The following RBFOX1 variants were observed in gnomAD, a reference collection of about 807,000 sequenced individuals.
The protein encoded by RBFOX1 is RNA binding protein fox-1 homolog 1.
Under a neutral mutation model 57.7 loss-of-function variants are expected in RBFOX1, and 8 were observed. The observed-to-expected ratio is 0.14, with a 90% CI of 0.08 to 0.25. The LOEUF (loss-of-function observed/expected upper bound fraction) is 0.25. Ranked by LOEUF, RBFOX1 falls within the 10% of genes least tolerant of loss-of-function variation. RBFOX1 has a pLI of 1.00. For synonymous variants in RBFOX1, 326 were observed against 222.4 expected (o/e 1.47, Z -4.15); for missense variants, 611 against 548.5 (o/e 1.11, Z -1.14).
intron 1 of RBFOX1, among the ~76,000 whole-genome samples, chr16:5,316,330 G>T (rs1313548789): frequency 6.6e-6 from 1 of 152,196 alleles, no homozygotes; most frequent in African/African-American, 2.4e-5. Flanking sequence ...CTTCTATAAT[G>T]TGATGGCCAA....
chr16:7,541,228 A>G (rs774212114), intron 5 of RBFOX1, among the ~76,000 whole-genome samples: 19 of 152,252 alleles, frequency 1.2e-4, no homozygotes, highest in Admixed American at 5.2e-4. Context: ...AAAATAAGCC[A>G]TTCAGCAAAA....
chr16:6,076,917 G>A (rs953369823), intron 1 of RBFOX1, among the ~76,000 whole-genome samples: 4 of 152,184 alleles, frequency 2.6e-5, no homozygotes, highest in Admixed American at 6.5e-5. Flanking sequence ...GAAGCCAATG[G>A]TCAAGTTTGT....
chr16:7,006,800 A>G (rs1421144688), intron 3 of RBFOX1, among the ~76,000 whole-genome samples: 2 of 152,186 alleles, frequency 1.3e-5, no homozygotes, highest in East Asian at 3.9e-4. Flanking sequence ...CACTTAGCAA[A>G]GTTAAGTCAC....
At chr16:5,732,058 T>C (rs967042936) in intron 3 of RBFOX1, among the ~76,000 whole-genome samples, 2 of 152,316 alleles carry the variant, frequency 1.3e-5, no homozygotes, top group East Asian at 3.9e-4. Context: ...ACATTTCCTC[T>C]TTGCTTCATA....
chr16:6,614,308 C>G (rs941559402), intron 2 of RBFOX1, among the ~76,000 whole-genome samples: 1 of 152,172 alleles, frequency 6.6e-6, no homozygotes, highest in Admixed American at 6.5e-5. Context: ...ACTGGATGGA[C>G]TTCCTGCCCT....
At chr16:7,218,913 TTCTC>T (rs1395120846) in intron 4 of RBFOX1, among the ~76,000 whole-genome samples, 2 of 152,118 alleles carry the variant, frequency 1.3e-5, no homozygotes, top group Non-Finnish European at 2.9e-5. Context: ...CAGCACAATC[TTCTC>T]TCTTGGGTTT....
intron 1 of RBFOX1, among the ~76,000 whole-genome samples, chr16:5,264,894 T>A (rs1212567469): frequency 6.6e-6 from 1 of 152,170 alleles, no homozygotes; most frequent in African/African-American, 2.4e-5. Flanking sequence ...TCCCTGCAGA[T>A]GTAGCATAAG....
At chr16:6,526,466 A>G (rs955891427) in intron 2 of RBFOX1, among the ~76,000 whole-genome samples, 6 of 152,166 alleles carry the variant, frequency 3.9e-5, no homozygotes, top group Admixed American at 6.5e-5. Flanking sequence ...CATTCATGCT[A>G]CAGCAATACT....
chr16:6,906,154 G>T (rs981412823), intron 3 of RBFOX1, among the ~76,000 whole-genome samples: 4 of 152,144 alleles, frequency 2.6e-5, no homozygotes, highest in Admixed American at 2.6e-4. Context: ...CAGTGTTGAT[G>T]TATTCAATAG....
chr16:6,918,847 A>T (rs1466949638), intron 3 of RBFOX1, among the ~76,000 whole-genome samples: 1 of 152,148 alleles, frequency 6.6e-6, no homozygotes, highest in Non-Finnish European at 1.5e-5. Context: ...AGTGCAACAC[A>T]TTGCAGGCTT....
At chr16:6,336,830 A>C (rs1270051755) in intron 2 of RBFOX1, among the ~76,000 whole-genome samples, 1 of 152,210 alleles carries the variant, frequency 6.6e-6, no homozygotes, top group African/African-American at 2.4e-5. Flanking sequence ...AAAATCCTTT[A>C]ACACCTGAGT....
chr16:6,952,439 G>C (rs1001916437), intron 3 of RBFOX1, among the ~76,000 whole-genome samples: 4 of 152,118 alleles, frequency 2.6e-5, no homozygotes, highest in African/African-American at 9.7e-5. Context: ...TTGAGCCCAG[G>C]AGTTTGAGAC....
Position 6,261,204 on chromosome 16 carries a change from A to G in RBFOX1, c.-126-55791A>G, listed in dbSNP as rs575536542. On this transcript the variant is annotated intron_variant, in intron 1 of 15. Coordinates refer to ENST00000550418, the MANE Select transcript of RBFOX1 (RefSeq NM_018723.4). ...AGTTTGGCTTTCACATTCCCAGTGGATGAGAGAAAAATTGGCAATTGTTTC... is the reference window on the plus strand; with the variant it reads ...AGTTTGGCTTTCACATTCCCAGTGGGTGAGAGAAAAATTGGCAATTGTTTC... Among the ~76,000 whole-genome samples the G allele has an allele frequency of 5.3e-5, 8 of 152,300 alleles. No individual in the cohort carries two copies. The South Asian group carries it at 8.3e-4, about 16-fold the overall frequency.
intron 4 of RBFOX1, among the ~76,000 whole-genome samples, chr16:7,066,701 C>G (rs745590692): frequency 1.3e-5 from 2 of 152,160 alleles, no homozygotes; most frequent in African/African-American, 4.8e-5. Context: ...CTTCCACAGT[C>G]AGGACTGAAG....
intron 4 of RBFOX1, among the ~76,000 whole-genome samples, chr16:7,491,638 C>A (rs1312980563): frequency 6.6e-6 from 1 of 151,758 alleles, no homozygotes; most frequent in Non-Finnish European, 1.5e-5. Context: ...TTTATTTTAT[C>A]TATTTTATTT....
At chr16:5,285,326 C>T (rs1408526731) in intron 1 of RBFOX1, among the ~76,000 whole-genome samples, 1 of 152,000 alleles carries the variant, frequency 6.6e-6, no homozygotes, top group African/African-American at 2.4e-5. Context: ...CTGTCTGTCT[C>T]TGTTGAATTT....
At chr16:5,922,484 C>G (rs887797795) in intron 4 of RBFOX1, among the ~76,000 whole-genome samples, 3 of 152,162 alleles carry the variant, frequency 2.0e-5, no homozygotes, top group Non-Finnish European at 4.4e-5. Flanking sequence ...ACTGGAAGTT[C>G]CTGCCCAGCT....
chr16:7,196,695 C>G (rs905029533), intron 4 of RBFOX1, among the ~76,000 whole-genome samples: 1 of 152,130 alleles, frequency 6.6e-6, no homozygotes, highest in Non-Finnish European at 1.5e-5. Flanking sequence ...GCAAAGGCAT[C>G]TGTGTACAGA....
intron 4 of RBFOX1, among the ~76,000 whole-genome samples, chr16:7,105,293 T>A (rs1457091583): frequency 6.9e-6 from 1 of 145,984 alleles, no homozygotes; most frequent in Non-Finnish European, 1.5e-5. Context: ...GTCTGATTTT[T>A]TTTTTTTTTT....
Sources: allele counts gnomAD v4.1 joint callset (sites outside exome capture counted in the v4.1 genomes callset), GRCh38; gene constraint gnomAD v4.1.1; transcripts MANE v1.5; gene names NCBI Gene and HGNC (gene_info 2026-07-23, HGNC 2026-07-21).